The following MAP2K2 variants were observed in gnomAD, a reference collection of about 807,000 sequenced individuals.
The protein encoded by MAP2K2 is dual specificity mitogen-activated protein kinase kinase 2.
MAP2K2 carries 24 observed loss-of-function variants against 43.7 expected under a neutral mutation model. The observed-to-expected ratio is 0.55, with a 90% CI of 0.40 to 0.77. The LOEUF is 0.77. MAP2K2 is among the 30% of genes least tolerant of loss of function. The pLI is 0.00. For synonymous variants in MAP2K2, 244 were observed against 239.7 expected, an observed-to-expected ratio of 1.02 and a Z score of -0.17; for missense variants, 470 against 566.8, an observed-to-expected ratio of 0.83 and a Z score of 1.73.
At chr19:4,110,936 C>T (rs777061043) in intron 2 of MAP2K2, among the ~76,000 whole-genome samples, 1 of 152,206 alleles carries the variant, frequency 6.6e-6, no homozygotes, top group Non-Finnish European at 1.5e-5. Context: ...GCCCACCCCT[C>T]ACTGAAACAG....
At chr19:4,102,266 G>A in intron 4 of MAP2K2, 110 bp downstream of exon 4, 2 of 935,918 alleles carry the variant, frequency 2.1e-6, no homozygotes, top group Non-Finnish European at 1.7e-6. Context: ...TTTCTGCAGG[G>A]GCCACCCTAA....
At position 4,114,808 on chromosome 19, in the gene MAP2K2, G is replaced by C. The variant is rs1384432964; in HGVS notation, c.303+2611C>G. ...TACTAAAAATACAAACATTAGCCAGGCATGCCAGCCACTCAGGAGGCTAAG... is the reference window on the plus strand; with the variant it reads ...TACTAAAAATACAAACATTAGCCAGCCATGCCAGCCACTCAGGAGGCTAAG... On this transcript the variant is annotated intron_variant, in intron 2 of 10. Coordinates refer to ENST00000262948, the MANE Select transcript of MAP2K2 (RefSeq NM_030662.4). Among the ~76,000 whole-genome samples, 3 of 152,072 alleles carry C rather than the reference G, an allele frequency of 2.0e-5. No homozygotes were observed. The East Asian group carries it at 5.8e-4, about 29-fold the overall frequency.
intron 1 of MAP2K2, among the ~76,000 whole-genome samples, chr19:4,120,776 C>T (rs188265246): frequency 1.3e-5 from 2 of 152,296 alleles, no homozygotes; most frequent in East Asian, 3.9e-4. Flanking sequence ...GTCCCTACAG[C>T]CAGCTTCCTC....
chr19:4,105,309 C>G (rs1431927857), intron 3 of MAP2K2, among the ~76,000 whole-genome samples: 2 of 151,384 alleles, frequency 1.3e-5, no homozygotes, highest in African/African-American at 4.9e-5. Flanking sequence ...CGCTCTGTTG[C>G]CCAGGCGGGG....
At chr19:4,091,038 G>A (rs1477804727) in intron 10 of MAP2K2, among the ~76,000 whole-genome samples, 1 of 152,212 alleles carries the variant, frequency 6.6e-6, no homozygotes. Flanking sequence ...ACCGGGGCCG[G>A]ATCATTCTCT....
intron 2 of MAP2K2, among the ~76,000 whole-genome samples, chr19:4,111,083 A>G (rs899569617): frequency 3.3e-5 from 5 of 152,180 alleles, no homozygotes; most frequent in Non-Finnish European, 5.9e-5. Flanking sequence ...AATGTCCAGG[A>G]CAGGCTGATC....
chr19:4,097,414 A>T, intron 7 of MAP2K2, 71 bp from the exon 8 acceptor site: 1 of 1,230,768 alleles, frequency 8.1e-7, no homozygotes, highest in Non-Finnish European at 1.2e-6. Flanking sequence ...TTGGGCTCCC[A>T]GGGGGCTGAT....
intron 2 of MAP2K2, among the ~76,000 whole-genome samples, chr19:4,112,444 C>T (rs891241321): frequency 1.2e-4 from 19 of 152,198 alleles, no homozygotes; most frequent in Non-Finnish European, 2.2e-4. Context: ...CGCCTGTCAG[C>T]GGGCACGGAG....
At chr19:4,095,500 C>A (rs529341544) in intron 8 of MAP2K2, 51 bp from the exon 9 acceptor site, 3 of 1,478,810 alleles carry the variant, frequency 2.0e-6, no homozygotes, top group Non-Finnish European at 2.8e-6. Context: ...GTCAGGGACC[C>A]TCGGCTGCAG....
Position 4,102,946 on chromosome 19 carries a change from G to A in MAP2K2, c.451-493C>T, listed in dbSNP as rs566342244. 186 of 1,106,598 alleles carry A rather than the reference G, an allele frequency of 1.7e-4. 1 individual carries two copies. The highest frequency in any genetic ancestry group is 1.4e-3 in the African/African-American group (85 of 60,686). The allele number at this position is 1,106,598 out of a possible 1,614,324, so 68.5% of individuals were successfully genotyped here. On this transcript the variant is annotated intron_variant, in intron 3 of 10. Coordinates refer to ENST00000262948, the MANE Select transcript of MAP2K2 (RefSeq NM_030662.4). ...GCGGAGGAGACGCGGGTGCTGCCCC[G>A]CGTGGGAGGAGGCGGCGGGTCGCTG...
At chr19:4,099,653 G>A in intron 6 of MAP2K2, 2 of 576,472 alleles carry the variant, frequency 3.5e-6, no homozygotes, top group Admixed American at 6.1e-5. Context: ...CTCTTGAAGA[G>A]CCTGCAATGC....
At position 4,105,110 on chromosome 19, in the gene MAP2K2, C is replaced by G. The variant is rs377393579; in HGVS notation, c.451-2657G>C. 2.6e-5 allele frequency among the ~76,000 whole-genome samples: 4 copies of G among 151,108 alleles called. 1 individual carries two copies. The South Asian group carries it at 8.3e-4, about 31-fold the overall frequency. On this transcript the variant is annotated intron_variant, in intron 3 of 10. Coordinates refer to ENST00000262948, the MANE Select transcript of MAP2K2 (RefSeq NM_030662.4). ...GTGCAGGGGGTATTGCAGCTGTGTA[C>G]TGCTGACCCCAAATCTCACTCTGTG...
At chr19:4,106,800 C>G (rs982203624) in intron 3 of MAP2K2, among the ~76,000 whole-genome samples, 1 of 152,258 alleles carries the variant, frequency 6.6e-6, no homozygotes, top group African/African-American at 2.4e-5. Flanking sequence ...GTGGATTTCA[C>G]TTTGCCACTG....
At chr19:4,109,433 C>T (rs1408743808) in intron 3 of MAP2K2, among the ~76,000 whole-genome samples, 1 of 152,194 alleles carries the variant, frequency 6.6e-6, no homozygotes, top group Non-Finnish European at 1.5e-5. Context: ...CATTTAAAAA[C>T]AGTCATCAGC....
At chr19:4,109,913 C>T (rs1187071628) in intron 3 of MAP2K2, among the ~76,000 whole-genome samples, 1 of 152,168 alleles carries the variant, frequency 6.6e-6, no homozygotes, top group African/African-American at 2.4e-5. Context: ...TACGTACCCC[C>T]CAAAACGGGA....
In MAP2K2 at chr19:4,101,531, C is replaced by G. The variant is rs1406103575; in HGVS notation, c.529-251G>C. ...GCAGTGCCGCCGATGCCACTACTGCCTTTGATTCAGAGCACACGGCTTAGC... is the reference window on the plus strand; with the variant it reads ...GCAGTGCCGCCGATGCCACTACTGCGTTTGATTCAGAGCACACGGCTTAGC... On this transcript the variant is annotated intron_variant, in intron 4 of 10. Coordinates refer to ENST00000262948, the MANE Select transcript of MAP2K2 (RefSeq NM_030662.4). This position sits in a 1 kb window ranked among gnomAD's most constrained non-coding sequence, Gnocchi z 6.3. Among the ~76,000 whole-genome samples, 1 of 152,218 alleles carries G rather than the reference C, an allele frequency of 6.6e-6. No individual in the cohort carries two copies. The highest frequency in any genetic ancestry group is 1.9e-4 in the East Asian group (1 of 5,192).
intron 3 of MAP2K2, among the ~76,000 whole-genome samples, chr19:4,105,575 A>T (rs1262595772): frequency 6.6e-6 from 1 of 151,972 alleles, no homozygotes; most frequent in Non-Finnish European, 1.5e-5. Context: ...CCCGGCAAAC[A>T]CATTTTTCTT....
At chr19:4,094,572 G>GC in intron 9 of MAP2K2, 74 bp from the exon 10 acceptor site, 4 of 1,440,274 alleles carry the variant, frequency 2.8e-6, no homozygotes, top group Non-Finnish European at 3.8e-6. Context: ...TGGCCCCGGG[G>GC]CACCCGCGTG....
chr19:4,115,337 G>A lies in MAP2K2; in HGVS notation c.303+2082C>T, dbSNP rs2041206718. Among the ~76,000 whole-genome samples, 1 of 152,108 alleles carries A rather than the reference G, an allele frequency of 6.6e-6. No homozygotes were observed. Among genetic ancestry groups the A allele is most frequent in the South Asian group, 2.1e-4 (1 of 4,820 alleles). The stretch of plus-strand genomic sequence containing the variant: ...TGCAGGTGGGCCCGGCTTCACCTGC[G>A]CCTGTCAGCAGGAGCAGGAGCTGCT... On this transcript the variant is annotated intron_variant, in intron 2 of 10. Coordinates refer to ENST00000262948, the MANE Select transcript of MAP2K2 (RefSeq NM_030662.4). This position sits in a 1 kb window ranked among gnomAD's most constrained non-coding sequence, Gnocchi z 4.1.
Sources: gnomAD v4.1 joint callset for allele counts (sites outside exome capture counted in the v4.1 genomes callset) on GRCh38, gnomAD v4.1.1 for gene constraint, Gnocchi (gnomAD v3.1) non-coding constraint, MANE v1.5 for transcripts, NCBI Gene and HGNC (gene_info 2026-07-23, HGNC 2026-07-21) for gene names.